Variants in SAMD12 observed in about 807,000 individuals in gnomAD.
The protein encoded by SAMD12 is sterile alpha motif domain-containing protein 12.
In SAMD12, 9 loss-of-function variants were observed where a neutral mutation model predicts 15.0. That is an observed-to-expected ratio of 0.60 (90% CI 0.36 to 1.05). The LOEUF (loss-of-function observed/expected upper bound fraction) is 1.05. SAMD12 is among the 50% of genes least tolerant of loss of function. SAMD12 has a pLI of 0.01. For synonymous variants in SAMD12, 86 were observed against 90.1 expected (o/e 0.96, Z 0.25); for missense variants, 230 against 234.2 (o/e 0.98, Z 0.12).
intron 2 of SAMD12, among the ~76,000 whole-genome samples, chr8:118,458,767 T>C (rs1439867474): frequency 6.6e-6 from 1 of 152,230 alleles, no homozygotes; most frequent in East Asian, 1.9e-4. Context: ...ATATTATTTC[T>C]ACTTATCAAA....
chr8:118,450,383 C>T (rs968657878), intron 2 of SAMD12, among the ~76,000 whole-genome samples: 2 of 152,160 alleles, frequency 1.3e-5, no homozygotes, highest in Non-Finnish European at 2.9e-5. Context: ...GAGGATCACA[C>T]TGTACTTTGT....
chr8:118,597,051 C>T (rs934197935), intron 1 of SAMD12, among the ~76,000 whole-genome samples: 10 of 151,994 alleles, frequency 6.6e-5, no homozygotes, highest in Admixed American at 5.2e-4. Flanking sequence ...GCTGGAGGGA[C>T]GGTGATACAC....
intron 2 of SAMD12, among the ~76,000 whole-genome samples, chr8:118,569,358 C>T (rs574591308): frequency 1.3e-5 from 2 of 152,158 alleles, no homozygotes; most frequent in South Asian, 4.1e-4. Flanking sequence ...AGACTTGGAT[C>T]CCATCTCCAA....
chr8:118,288,670 A>C (rs1814191357), intron 4 of SAMD12, among the ~76,000 whole-genome samples: 1 of 152,212 alleles, frequency 6.6e-6, no homozygotes, highest in Non-Finnish European at 1.5e-5. Context: ...AGAAAAAATA[A>C]CTTTGAAGAT....
chr8:118,416,311 A>G (rs1463032465), intron 3 of SAMD12, among the ~76,000 whole-genome samples: 1 of 152,214 alleles, frequency 6.6e-6, no homozygotes, highest in African/African-American at 2.4e-5. Context: ...TATTACTACA[A>G]TAAGTTAATT....
At chr8:118,199,205 C>T (rs1586334386) in intron 4 of SAMD12, among the ~76,000 whole-genome samples, 1 of 152,100 alleles carries the variant, frequency 6.6e-6, no homozygotes, top group Non-Finnish European at 1.5e-5. Context: ...TGCAAAACAA[C>T]AACAAAAATT....
intron 1 of SAMD12, among the ~76,000 whole-genome samples, chr8:118,585,200 T>C (rs879496013): frequency 3.9e-5 from 6 of 152,106 alleles, no homozygotes; most frequent in Non-Finnish European, 8.8e-5. Context: ...CAGACAAAAA[T>C]GGACAACTAT....
chr8:118,382,770 C>A (rs750586380), intron 3 of SAMD12, among the ~76,000 whole-genome samples: 1 of 152,072 alleles, frequency 6.6e-6, no homozygotes, highest in South Asian at 2.1e-4. Context: ...TATTCAGTTG[C>A]GCTTTATCTT....
In SAMD12 at chr8:118,365,368, C is replaced by T. The variant is rs571680336; in HGVS notation, c.433+14192G>A. 5.3e-5 allele frequency among the ~76,000 whole-genome samples: 8 copies of T among 152,312 alleles called. No homozygotes were observed. The East Asian group carries it at 1.5e-3, about 29-fold the overall frequency. On this transcript the variant is annotated intron_variant, in intron 4 of 4. Transcript: ENST00000409003. ...TTCCAGAAGAGATTAGCATTTAAAT[C>T]AGCATGCTAAGTAAAGAGGAGCTGC...
intron 2 of SAMD12, among the ~76,000 whole-genome samples, chr8:118,572,346 T>C (rs1011304666): frequency 6.6e-6 from 1 of 152,166 alleles, no homozygotes; most frequent in African/African-American, 2.4e-5. Context: ...TGTGGACTTT[T>C]GAGTTAATGC....
chr8:118,435,562 T>A (rs1348683819), intron 3 of SAMD12, among the ~76,000 whole-genome samples: 2 of 152,206 alleles, frequency 1.3e-5, no homozygotes, highest in African/African-American at 4.8e-5. Flanking sequence ...AAAATTTTGA[T>A]ATTGCAAAAG....
intron 2 of SAMD12, among the ~76,000 whole-genome samples, chr8:118,529,109 G>A (rs1825615451): frequency 6.6e-6 from 1 of 152,202 alleles, no homozygotes; most frequent in African/African-American, 2.4e-5. Context: ...AGCAACTAGG[G>A]CTGCCCATAT....
chr8:118,318,029 A>T (rs1431982249), intron 4 of SAMD12, among the ~76,000 whole-genome samples: 2 of 152,076 alleles, frequency 1.3e-5, no homozygotes, highest in Non-Finnish European at 2.9e-5. Flanking sequence ...AGTGGTCATT[A>T]TTAAAAAGTC....
chr8:118,287,327 G>C (rs909132559), intron 4 of SAMD12, among the ~76,000 whole-genome samples: 3 of 150,464 alleles, frequency 2.0e-5, no homozygotes, highest in African/African-American at 7.3e-5. Context: ...GGGTTTCACC[G>C]TGTTAGCCAG....
intron 2 of SAMD12, among the ~76,000 whole-genome samples, chr8:118,536,322 T>C (rs1193350258): frequency 1.3e-5 from 2 of 152,206 alleles, no homozygotes; most frequent in Non-Finnish European, 2.9e-5. Flanking sequence ...CCTGTAGATT[T>C]TACAGATACT....
chr8:118,378,436 AAATGCAAAT>A lies in SAMD12; in HGVS notation c.*972_*980del, dbSNP rs1819496702. On this transcript the variant is annotated 3_prime_UTR_variant, in exon 4 of 4. Coordinates refer to ENST00000314727, the MANE Select transcript of SAMD12 (RefSeq NM_207506.3). Reference sequence around the variant, plus strand: ...TCACCATTGGAAATCTCTGAGGACAAAATGCAAATAATGCATATGAGACAAACAATACTA... The same window carrying A: ...TCACCATTGGAAATCTCTGAGGACAAAATGCATATGAGACAAACAATACTA... The A allele has an allele frequency of 5.1e-6, 5 of 981,882 alleles. No homozygotes were observed. The highest frequency in any genetic ancestry group is 6.0e-6 in the Non-Finnish European group (5 of 826,878). The allele number at this position is 981,882 out of a possible 1,614,324, so 60.8% of individuals were successfully genotyped here.
intron 4 of SAMD12, among the ~76,000 whole-genome samples, chr8:118,245,856 G>A (rs1357907520): frequency 1.3e-5 from 2 of 152,140 alleles, no homozygotes; most frequent in African/African-American, 2.4e-5. Flanking sequence ...GAGGGGTTAA[G>A]TTGAATTTTG....
chr8:118,418,662 T>C (rs1470079026), intron 3 of SAMD12, among the ~76,000 whole-genome samples: 1 of 150,864 alleles, frequency 6.6e-6, no homozygotes, highest in African/African-American at 2.4e-5. Flanking sequence ...GAGCTTGCAG[T>C]GAGCCGAGAT....
At chr8:118,164,704 A>T in the SAMD12 span, among the ~76,000 whole-genome samples, 4 of 150,940 alleles carry the variant, frequency 2.7e-5, no homozygotes, top group African/African-American at 9.7e-5. Context: ...TTTTTTTTTT[A>T]AACTTCATCA....
Sources: gnomAD v4.1 joint callset for allele counts (sites outside exome capture counted in the v4.1 genomes callset) on GRCh38, gnomAD v4.1.1 for gene constraint, MANE v1.5 for transcripts, NCBI Gene and HGNC (gene_info 2026-07-23, HGNC 2026-07-21) for gene names.